The following CTDP1 variants were observed in gnomAD, a reference collection of about 807,000 sequenced individuals.
CTDP1 encodes CTD phosphatase 1, also known as RNA polymerase II subunit A C-terminal domain phosphatase.
Under a neutral mutation model 91.8 loss-of-function variants are expected in CTDP1, and 47 were observed. The observed-to-expected ratio is 0.51, with a 90% CI of 0.41 to 0.65. The LOEUF (loss-of-function observed/expected upper bound fraction) is 0.65. Among genes scored for constraint, CTDP1 ranks in the 30% least tolerant of loss-of-function variants. CTDP1 has a pLI of 0.00. For missense variants in CTDP1, 1,272 were observed against 1,373.7 expected (o/e 0.93, Z 1.17); for synonymous variants, 656 against 598.5 (o/e 1.10, Z -1.40).
rs536052896 is a variant in CTDP1 at position 79,720,437 on chromosome 18, C to T, written c.2417+2421C>T. On this transcript the variant is annotated intron_variant, in intron 10 of 12. Transcript: ENST00000613122. ...TCCTGGTGATGATGTCACCTCCCAT[C>T]GTGTCCTGGTGATGCTGTCACCTCC... 1.3e-4 allele frequency among the ~76,000 whole-genome samples: 19 copies of T among 145,754 alleles called. No individual in the cohort carries two copies. In the South Asian group the frequency reaches 3.8e-3, roughly 30 times the overall value.
chr18:79,750,716 G>A (rs1254792067), intron 12 of CTDP1, among the ~76,000 whole-genome samples: 1 of 131,342 alleles, frequency 7.6e-6, no homozygotes, highest in East Asian at 2.2e-4. Flanking sequence ...GTTTCACCAT[G>A]TTGGTCAGGC....
chr18:79,682,499 G>A (rs771564050), intron 1 of CTDP1, among the ~76,000 whole-genome samples: 2 of 152,212 alleles, frequency 1.3e-5, no homozygotes, highest in Non-Finnish European at 2.9e-5. Flanking sequence ...TTGAGTTCCA[G>A]CTCAGCAGCT....
intron 12 of CTDP1, among the ~76,000 whole-genome samples, chr18:79,748,645 A>G (rs2086928794): frequency 1.3e-5 from 2 of 152,374 alleles, no homozygotes; most frequent in Admixed American, 1.3e-4. Context: ...CACTTAGCAC[A>G]GCCCCAGACC....
chr18:79,718,667 G>A (rs971097997), intron 10 of CTDP1, among the ~76,000 whole-genome samples: 1 of 152,196 alleles, frequency 6.6e-6, no homozygotes, highest in African/African-American at 2.4e-5. Flanking sequence ...GGCCCCTGGA[G>A]ACCCCATGTA....
chr18:79,728,872 C>G, intron 10 of CTDP1, 35 bp from the exon 11 acceptor site: 1 of 1,612,442 alleles, frequency 6.2e-7, no homozygotes, highest in Middle Eastern at 1.7e-4. Context: ...TTCGAACTGA[C>G]CTTCCTCATG....
In CTDP1 at chr18:79,715,020, C is replaced by T. The variant is rs542591627; in HGVS notation, c.1560C>T (p.Gly520=). The change falls in exon 8 of 13, where the codon GGC becomes GGT. Residue 520 remains glycine, a synonymous_variant. Transcript: ENST00000613122. ...APSLPGEAEP[G]AHAPDKEPEL... ...GTCTCCCCGGAGAGGCCGAGCCTGG[C>T]GCGCATGCCCCGGACAAGGAGCCTG... 1.9e-6 allele frequency: 3 copies of T among 1,598,682 alleles called. No homozygotes were observed. The highest frequency in any genetic ancestry group is 2.3e-5 in the East Asian group (1 of 44,352).
intron 10 of CTDP1, among the ~76,000 whole-genome samples, chr18:79,724,625 G>A (rs1311747361): frequency 6.6e-6 from 1 of 152,168 alleles, no homozygotes; most frequent in East Asian, 1.9e-4. Context: ...CTCCCAGTCA[G>A]CAACTTGAGT....
chr18:79,700,675 C>G (rs542858415), intron 4 of CTDP1, among the ~76,000 whole-genome samples: 2 of 152,350 alleles, frequency 1.3e-5, no homozygotes, highest in African/African-American at 4.8e-5. Context: ...GCAAGTTCCC[C>G]TGGAGATAGG....
intron 12 of CTDP1, chr18:79,750,073 G>A (rs1377573886): frequency 6.6e-6 from 1 of 151,914 alleles, no homozygotes; most frequent in Non-Finnish European, 1.5e-5. Flanking sequence ...AAGATCTGCA[G>A]ATGAGGCATG....
chr18:79,748,789 G>A (rs1599324851), intron 12 of CTDP1, among the ~76,000 whole-genome samples: 1 of 152,148 alleles, frequency 6.6e-6, no homozygotes, highest in African/African-American at 2.4e-5. Context: ...TCATGTCTGT[G>A]TGTGAGCCGT....
chr18:79,710,489 C>A, intron 6 of CTDP1, 53 bp downstream of exon 6: 1 of 1,309,810 alleles, frequency 7.6e-7, no homozygotes, highest in Non-Finnish European at 1.1e-6. Flanking sequence ...TTTCCCATTT[C>A]AAAAATCGCA....
Position 79,736,537 on chromosome 18 carries a change from G to A in CTDP1, c.2747+16G>A. The A allele has an allele frequency of 6.6e-7, 1 of 1,524,782 alleles. No homozygotes were observed. The highest frequency in any genetic ancestry group is 8.8e-7 in the Non-Finnish European group (1 of 1,132,400). 94.5% of individuals were successfully genotyped at this position (1,524,782 alleles called of 1,614,324 possible). ...GGGGGCCCAGGTGAGTGCGGGGTCT[G>A]AGGTGGGAGGGGCCTGACACGGGCT... On this transcript the variant is annotated intron_variant, in intron 12 of 12. Coordinates refer to ENST00000613122, the MANE Select transcript of CTDP1 (RefSeq NM_004715.5).
At chr18:79,750,580 G>A (rs2086976171) in intron 12 of CTDP1, among the ~76,000 whole-genome samples, 1 of 149,850 alleles carries the variant, frequency 6.7e-6, no homozygotes, top group African/African-American at 2.5e-5. Context: ...TGCAACTTCC[G>A]CCTCCCGGGT....
intron 1 of CTDP1, among the ~76,000 whole-genome samples, chr18:79,686,852 G>A (rs549553960): frequency 4.3e-5 from 5 of 115,634 alleles, no homozygotes; most frequent in African/African-American, 1.0e-4. Flanking sequence ...AGTTGGCTTC[G>A]TCAGTTCACT....
At chr18:79,747,866 G>A (rs2086912682) in intron 12 of CTDP1, among the ~76,000 whole-genome samples, 2 of 152,190 alleles carry the variant, frequency 1.3e-5, no homozygotes, top group Non-Finnish European at 2.9e-5. Context: ...TTAGATGCTG[G>A]TGTGACACAA....
At chr18:79,747,580 G>GC (rs2086906251) in intron 12 of CTDP1, among the ~76,000 whole-genome samples, 1 of 152,200 alleles carries the variant, frequency 6.6e-6, no homozygotes, top group South Asian at 2.1e-4. Context: ...TCCCCGCGGA[G>GC]CCCCCCACGC....
chr18:79,752,026 T>G (rs1455692503), intron 12 of CTDP1, among the ~76,000 whole-genome samples: 5 of 152,220 alleles, frequency 3.3e-5, no homozygotes, highest in Admixed American at 1.3e-4. Flanking sequence ...CTGAGGTTCC[T>G]TGGCGCAGTG....
intron 1 of CTDP1, among the ~76,000 whole-genome samples, chr18:79,689,971 C>T (rs2085586576): frequency 6.6e-6 from 1 of 152,206 alleles, no homozygotes; most frequent in South Asian, 2.1e-4. Flanking sequence ...GGATTCTAGG[C>T]TGCTGCTCTC....
At chr18:79,703,151 A>G (rs2085895010) in intron 4 of CTDP1, 1 of 152,188 alleles carries the variant, frequency 6.6e-6, no homozygotes, top group Non-Finnish European at 1.5e-5. Context: ...TCTCACTCCT[A>G]AATATTTGAC....
Sources: allele counts gnomAD v4.1 joint callset (sites outside exome capture counted in the v4.1 genomes callset), GRCh38; gene constraint gnomAD v4.1.1; transcripts MANE v1.5; gene names NCBI Gene and HGNC (gene_info 2026-07-23, HGNC 2026-07-21).